The following LRRC7 variants were observed in gnomAD, a reference collection of about 807,000 sequenced individuals.
LRRC7 encodes the protein leucine-rich repeat-containing protein 7.
In LRRC7, 23 loss-of-function variants were observed where a neutral mutation model predicts 175.7. That is an observed-to-expected ratio of 0.13 (90% CI 0.09 to 0.19). The LOEUF is 0.19. Ranked by LOEUF, LRRC7 falls within the 10% of genes least tolerant of loss-of-function variation. The probability of loss-of-function intolerance (pLI) is 1.00; values close to 1 mark genes in which losing one functional copy is unlikely to be tolerated. For synonymous variants in LRRC7, 685 were observed against 680.9 expected (o/e 1.01, Z -0.09); for missense variants, 1,354 against 1,904.7 (o/e 0.71, Z 5.38).
rs906465045 is a variant in LRRC7 at position 69,980,539 on chromosome 1, G to A, written c.786+86G>A. On this transcript the variant is annotated intron_variant, in intron 9 of 26. Coordinates refer to ENST00000651989, the MANE Select transcript of LRRC7 (RefSeq NM_001370785.2). ...TCATAATCTCAACTCTTAAATTTCAGTATTTGTGTTTCAAAGTAAAATAAT... is the reference window on the plus strand; with the variant it reads ...TCATAATCTCAACTCTTAAATTTCAATATTTGTGTTTCAAAGTAAAATAAT... The A allele has an allele frequency of 5.5e-6, 6 of 1,091,140 alleles. No individual in the cohort carries two copies. The South Asian group carries it at 7.0e-5, about 13-fold the overall frequency. 67.6% of individuals were successfully genotyped at this position (1,091,140 alleles called of 1,614,324 possible).
chr1:69,921,764 C>T (rs1007595683), intron 7 of LRRC7, among the ~76,000 whole-genome samples: 3 of 152,140 alleles, frequency 2.0e-5, no homozygotes, highest in Non-Finnish European at 4.4e-5. Flanking sequence ...GTATCTTTTT[C>T]CTACCTGAAT....
chr1:70,011,874 G>A lies in LRRC7; in HGVS notation c.1082G>A (p.Ser361Asn), dbSNP rs1656542783. ...SLPSTIGYLHSLRTLAVDENF... is the reference protein window; with the variant it reads ...SLPSTIGYLHNLRTLAVDENF... Reference sequence around the variant, plus strand: ...CCTTCTACTATTGGCTACCTTCATAGTCTTCGGACATTAGCAGTTGATGAG... The same window carrying A: ...CCTTCTACTATTGGCTACCTTCATAATCTTCGGACATTAGCAGTTGATGAG... Residue 361 changes from serine to asparagine, a missense_variant, in exon 12 of 27, where the codon AGT becomes AAT. By Grantham distance (46) the Ser-to-Asn change is conservative (BLOSUM62 1). Coordinates refer to ENST00000651989, the MANE Select transcript of LRRC7 (RefSeq NM_001370785.2). 1 of 1,602,432 alleles carries A rather than the reference G, an allele frequency of 6.2e-7. No homozygotes were observed. The highest frequency in any genetic ancestry group is 8.5e-7 in the Non-Finnish European group (1 of 1,170,042).
chr1:69,719,664 A>G (rs893382633), intron 2 of LRRC7, among the ~76,000 whole-genome samples: 1 of 151,576 alleles, frequency 6.6e-6, no homozygotes, highest in South Asian at 2.1e-4. Context: ...GTATTGCATT[A>G]TTTCTTTTTC....
intron 2 of LRRC7, among the ~76,000 whole-genome samples, chr1:69,706,143 A>G (rs781458979): frequency 3.9e-5 from 6 of 152,012 alleles, no homozygotes; most frequent in Non-Finnish European, 7.4e-5. Flanking sequence ...AAATAATGTA[A>G]ATGAAAGCAT....
intron 1 of LRRC7, among the ~76,000 whole-genome samples, chr1:69,637,166 C>T (rs1270432): frequency 0.13 from 19,368 of 151,428 alleles, 1,584 homozygotes; most frequent in South Asian, 0.19. Flanking sequence ...AGATTCAGTG[C>T]GGGGATTTAG....
At chr1:69,805,436 C>T (rs1425891945) in intron 4 of LRRC7, among the ~76,000 whole-genome samples, 1 of 151,796 alleles carries the variant, frequency 6.6e-6, no homozygotes, top group East Asian at 1.9e-4. Context: ...TGGTACCATG[C>T]AATTGTTCTC....
intron 23 of LRRC7, among the ~76,000 whole-genome samples, chr1:70,065,341 T>C (rs1042254519): frequency 5.9e-5 from 9 of 151,962 alleles, no homozygotes. Context: ...TGCTTCTCAG[T>C]TTTCCCATCT....
At chr1:70,121,184 C>T (rs1437973561) in intron 26 of LRRC7, among the ~76,000 whole-genome samples, 6 of 151,958 alleles carry the variant, frequency 3.9e-5, no homozygotes, top group Admixed American at 2.0e-4. Flanking sequence ...CCCCAAGGGA[C>T]GCATTCCTTA....
chr1:69,713,723 TAC>T (rs1157961190), intron 2 of LRRC7, among the ~76,000 whole-genome samples: 1 of 151,496 alleles, frequency 6.6e-6, no homozygotes. Context: ...TTACTTGAAT[TAC>T]ACAGAGTTGG....
intron 25 of LRRC7, among the ~76,000 whole-genome samples, chr1:70,097,988 G>T (rs1417358305): frequency 6.6e-6 from 1 of 150,990 alleles, no homozygotes; most frequent in African/African-American, 2.4e-5. Context: ...GTAATGGGAT[G>T]GCTGGGTCAA....
intron 5 of LRRC7, among the ~76,000 whole-genome samples, chr1:69,830,922 G>GA (rs1338620145): frequency 7.9e-5 from 12 of 151,752 alleles, no homozygotes; most frequent in Admixed American, 7.9e-4. Context: ...ACTGGAACCT[G>GA]AAAAAATGTG....
intron 7 of LRRC7, chr1:69,920,088 C>T (rs1374584893): frequency 3.6e-5 from 10 of 274,262 alleles, no homozygotes; most frequent in Non-Finnish European, 5.5e-5. Context: ...GAGGGAGGCT[C>T]GCAGACCCAG....
chr1:70,069,783 T>C (rs1001292893), intron 23 of LRRC7, among the ~76,000 whole-genome samples: 1 of 152,204 alleles, frequency 6.6e-6, no homozygotes, highest in African/African-American at 2.4e-5. Flanking sequence ...TCTGCTCATA[T>C]TTTTGTCAAT....
intron 8 of LRRC7, among the ~76,000 whole-genome samples, chr1:69,976,468 A>C (rs1652832426): frequency 6.6e-6 from 1 of 152,146 alleles, no homozygotes; most frequent in African/African-American, 2.4e-5. Context: ...CTCAAAAATT[A>C]ATCTCCTTTG....
intron 7 of LRRC7, among the ~76,000 whole-genome samples, chr1:69,896,106 T>C (rs1645971560): frequency 6.6e-6 from 1 of 152,134 alleles, no homozygotes; most frequent in Non-Finnish European, 1.5e-5. Flanking sequence ...AAAGGGTGCC[T>C]GAAGGGGGGC....
At chr1:69,813,488 C>A (rs1308802160) in intron 4 of LRRC7, among the ~76,000 whole-genome samples, 2 of 152,148 alleles carry the variant, frequency 1.3e-5, no homozygotes, top group Non-Finnish European at 2.9e-5. Flanking sequence ...TCCATACCTC[C>A]TTTCCCATCT....
At chr1:69,762,603 G>A (rs1671157712) in intron 3 of LRRC7, among the ~76,000 whole-genome samples, 1 of 151,886 alleles carries the variant, frequency 6.6e-6, no homozygotes, top group African/African-American at 2.4e-5. Flanking sequence ...TAGGGAGACT[G>A]GGGGAGGACT....
At chr1:70,092,605 A>G (rs1474303072) in intron 25 of LRRC7, among the ~76,000 whole-genome samples, 1 of 152,088 alleles carries the variant, frequency 6.6e-6, no homozygotes, top group Non-Finnish European at 1.5e-5. Context: ...AATGACAAGG[A>G]CCAATGTGAG....
At chr1:69,865,249 C>A (rs534862059) in intron 7 of LRRC7, among the ~76,000 whole-genome samples, 76 of 152,070 alleles carry the variant, frequency 5.0e-4, no homozygotes, top group African/African-American at 1.8e-3. Flanking sequence ...ATGGTCAATA[C>A]GACATCTGCA....
Sources: allele counts gnomAD v4.1 joint callset (sites outside exome capture counted in the v4.1 genomes callset), GRCh38; gene constraint gnomAD v4.1.1; transcripts MANE v1.5; gene names NCBI Gene and HGNC (gene_info 2026-07-23, HGNC 2026-07-21).